The following SLC4A4 variants were observed in gnomAD, a reference collection of about 807,000 sequenced individuals.
The protein encoded by SLC4A4 is solute carrier family 4 member 4, also known as electrogenic sodium bicarbonate cotransporter 1.
A neutral mutation model predicts 111.5 loss-of-function variants in SLC4A4; 27 were observed. The observed-to-expected ratio is 0.24, with a 90% confidence interval of 0.18 to 0.33. SLC4A4 has a LOEUF of 0.33. Ranked by LOEUF, SLC4A4 falls within the 10% of genes least tolerant of loss-of-function variation. SLC4A4 has a pLI of 1.00. For missense variants in SLC4A4, 909 were observed against 1,315.5 expected, an observed-to-expected ratio of 0.69 and a Z score of 4.78; for synonymous variants, 443 against 463.4, an observed-to-expected ratio of 0.96 and a Z score of 0.57.
intron 3 of SLC4A4, among the ~76,000 whole-genome samples, chr4:71,267,881 C>T (rs1722405112): frequency 6.7e-6 from 1 of 148,556 alleles, no homozygotes; most frequent in Non-Finnish European, 1.5e-5. Context: ...GATAAAAGCA[C>T]ATCTATATAT....
At chr4:71,315,994 C>A (rs1024730130) in intron 3 of SLC4A4, among the ~76,000 whole-genome samples, 1 of 152,136 alleles carries the variant, frequency 6.6e-6, no homozygotes, top group Admixed American at 6.5e-5. Context: ...AAGAAAGATG[C>A]ATTTCTGCCT....
At chr4:71,066,934 G>A (rs1412652235) in intron 1 of SLC4A4, among the ~76,000 whole-genome samples, 1 of 152,156 alleles carries the variant, frequency 6.6e-6, no homozygotes, top group Non-Finnish European at 1.5e-5. Flanking sequence ...ATTGACTTTG[G>A]CCATCCTTGG....
At chr4:71,123,471 A>G (rs1310341564) in intron 2 of SLC4A4, among the ~76,000 whole-genome samples, 1 of 152,204 alleles carries the variant, frequency 6.6e-6, no homozygotes, top group Non-Finnish European at 1.5e-5. Context: ...ATTCAAACCC[A>G]TGTAATTGCT....
At chr4:71,148,844 G>C (rs997126654) in intron 2 of SLC4A4, among the ~76,000 whole-genome samples, 1 of 152,082 alleles carries the variant, frequency 6.6e-6, no homozygotes, top group Non-Finnish European at 1.5e-5. Context: ...ATTGTGAATA[G>C]TGTACATATG....
intron 3 of SLC4A4, among the ~76,000 whole-genome samples, chr4:71,283,612 T>C (rs995723734): frequency 6.6e-6 from 1 of 152,216 alleles, no homozygotes; most frequent in Non-Finnish European, 1.5e-5. Flanking sequence ...CAACATTATT[T>C]CTATATCTCC....
At chr4:71,073,552 C>A (rs1387985668) in intron 1 of SLC4A4, among the ~76,000 whole-genome samples, 1 of 152,048 alleles carries the variant, frequency 6.6e-6, no homozygotes, top group East Asian at 1.9e-4. Flanking sequence ...AGTGCACAAC[C>A]CCCACCTCTC....
chr4:71,430,261 C>A (rs1409881852), intron 7 of SLC4A4, among the ~76,000 whole-genome samples: 1 of 152,036 alleles, frequency 6.6e-6, no homozygotes, highest in Non-Finnish European at 1.5e-5. Flanking sequence ...CTTCTTATTA[C>A]TAAGCTTTGA....
chr4:71,482,004 A>G (rs1235003524), intron 14 of SLC4A4, among the ~76,000 whole-genome samples: 1 of 151,604 alleles, frequency 6.6e-6, no homozygotes, highest in African/African-American at 2.4e-5. Context: ...TGGCTTTTCC[A>G]TTTGACTTTT....
chr4:71,329,491 G>A (rs577165533), intron 3 of SLC4A4, among the ~76,000 whole-genome samples: 4 of 151,762 alleles, frequency 2.6e-5, no homozygotes, highest in Middle Eastern at 3.4e-3. Flanking sequence ...CTTCAATTTC[G>A]TGCATCAATG....
At chr4:71,098,066 G>A (rs1038017975) in intron 2 of SLC4A4, among the ~76,000 whole-genome samples, 1 of 152,080 alleles carries the variant, frequency 6.6e-6, no homozygotes, top group Non-Finnish European at 1.5e-5. Context: ...TTGTTGTGAT[G>A]GCTTCTGGCA....
intron 3 of SLC4A4, among the ~76,000 whole-genome samples, chr4:71,272,992 A>G (rs1165878135): frequency 6.6e-6 from 1 of 152,194 alleles, no homozygotes; most frequent in African/African-American, 2.4e-5. Context: ...GAAAGATGTC[A>G]CTCCAATTTT....
At chr4:71,219,132 C>T (rs569104864) in intron 1 of SLC4A4, among the ~76,000 whole-genome samples, 2 of 152,250 alleles carry the variant, frequency 1.3e-5, no homozygotes, top group Admixed American at 1.3e-4. Flanking sequence ...AAGTTAAAAG[C>T]TAGAAATGAT....
intron 2 of SLC4A4, among the ~76,000 whole-genome samples, chr4:71,160,782 C>T (rs927846063): frequency 1.3e-5 from 2 of 152,062 alleles, no homozygotes; most frequent in African/African-American, 2.4e-5. Context: ...AAAATACCCC[C>T]ACTACCACAA....
rs191191094 is a variant in SLC4A4, at chr4:71,333,710, G to A, written c.254-5660G>A. Among the ~76,000 whole-genome samples the A allele has an allele frequency of 7.2e-5, 11 of 152,236 alleles. No individual in the cohort carries two copies. In the South Asian group the frequency reaches 1.9e-3, roughly 26 times the overall value. ...AGGAATCTATTTGGTACTCTATTCTGCTGCTGCTGAGCTGGCACCCAAGCT... is the reference window on the plus strand; with the variant it reads ...AGGAATCTATTTGGTACTCTATTCTACTGCTGCTGAGCTGGCACCCAAGCT... On this transcript the variant is annotated intron_variant, in intron 3 of 25. Coordinates refer to ENST00000264485, the MANE Select transcript of SLC4A4 (RefSeq NM_001098484.3).
Position 71,560,155 on chromosome 4 carries a change from C to T in SLC4A4, c.3000C>T (p.Ser1000=), listed in dbSNP as rs1736839329. 6.2e-7 allele frequency: 1 copy of T among 1,611,266 alleles called. No individual in the cohort carries two copies. The highest frequency in any genetic ancestry group is 1.1e-5 in the South Asian group (1 of 91,004). ...ACCTCTTCTCCCAGCACGACCTCAG[C>T]TTCCTGGATGATGTCATTCCAGAAA... ...MDYLFSQHDL[S]FLDDVIPEKD... is the part of the protein sequence containing the mutation. The change falls in exon 23 of 26, where the codon AGC becomes AGT. Residue 1000 remains serine (S), a synonymous_variant. Coordinates refer to ENST00000264485, the MANE Select transcript of SLC4A4 (RefSeq NM_001098484.3).
At chr4:71,294,964 T>C (rs1258592095) in intron 3 of SLC4A4, among the ~76,000 whole-genome samples, 1 of 152,228 alleles carries the variant, frequency 6.6e-6, no homozygotes, top group East Asian at 1.9e-4. Flanking sequence ...TTACAACTCA[T>C]TGCTTTTCTG....
At chr4:71,117,811 T>C (rs1578496229) in intron 2 of SLC4A4, among the ~76,000 whole-genome samples, 1 of 152,188 alleles carries the variant, frequency 6.6e-6, no homozygotes, top group East Asian at 1.9e-4. Flanking sequence ...ATAATTTCCA[T>C]TGTGATTCCT....
At chr4:71,311,924 A>AGAGAGAGAGAGG in intron 3 of SLC4A4, among the ~76,000 whole-genome samples, 1 of 151,388 alleles carries the variant, frequency 6.6e-6, no homozygotes, top group African/African-American at 2.4e-5. Context: ...AGAGAGAGAG[A>AGAGAGAGAGAGG]GAGAGAGAGA....
At chr4:71,430,993 A>C (rs1715477700) in intron 7 of SLC4A4, among the ~76,000 whole-genome samples, 1 of 152,102 alleles carries the variant, frequency 6.6e-6, no homozygotes, top group Admixed American at 6.6e-5. Context: ...TTCTTTAAGA[A>C]GAGAGTTAGG....
Sources: allele counts gnomAD v4.1 joint callset (sites outside exome capture counted in the v4.1 genomes callset), GRCh38; gene constraint gnomAD v4.1.1; transcripts MANE v1.5; gene names NCBI Gene and HGNC (gene_info 2026-07-23, HGNC 2026-07-21).